RAB7A: variants seen among roughly 807,000 people sequenced by gnomAD.
RAB7A encodes ras-related protein Rab-7a.
Under a neutral mutation model 24.5 loss-of-function variants are expected in RAB7A, and 2 were observed. That is an observed-to-expected ratio of 0.08 (90% CI 0.03 to 0.26). The LOEUF (loss-of-function observed/expected upper bound fraction) is 0.26, where lower values mean the gene tolerates loss of function less well. RAB7A is among the 10% of genes least tolerant of loss of function. RAB7A has a pLI of 1.00. For missense variants in RAB7A, 118 were observed against 255.7 expected (o/e 0.46, Z 3.67); for synonymous variants, 100 against 95.9 (o/e 1.04, Z -0.25).
chr3:128,807,896 G>GGCTGCC (rs1167047518), intron 5 of RAB7A, among the ~76,000 whole-genome samples: 8 of 152,206 alleles, frequency 5.3e-5, no homozygotes, highest in Non-Finnish European at 1.5e-5. Flanking sequence ...TGAAGTCTGA[G>GGCTGCC]GCTGCCCTTC....
chr3:128,774,865 C>T (rs1302481031), intron 1 of RAB7A, among the ~76,000 whole-genome samples: 1 of 152,172 alleles, frequency 6.6e-6, no homozygotes, highest in Non-Finnish European at 1.5e-5. Context: ...AGCCACCGCA[C>T]CTGGCCTTGG....
At chr3:128,758,285 T>TG (rs1427958915) in intron 1 of RAB7A, among the ~76,000 whole-genome samples, 1 of 150,486 alleles carries the variant, frequency 6.6e-6, no homozygotes, top group Non-Finnish European at 1.5e-5. Context: ...TTTTTTTTTT[T>TG]TTTTTGAGAC....
intron 1 of RAB7A, among the ~76,000 whole-genome samples, chr3:128,775,396 T>G (rs1378152389): frequency 6.6e-6 from 1 of 152,206 alleles, no homozygotes; most frequent in Admixed American, 6.5e-5. Flanking sequence ...CATTTGCCTT[T>G]CACCTGGTGT....
Position 128,762,444 on chromosome 3 carries a change from G to A in RAB7A, c.-8-32916G>A, listed in dbSNP as rs183579619. On this transcript the variant is annotated intron_variant, in intron 1 of 5. Transcript: ENST00000265062. ...ATTCTTTATAATAAAATTCCTCCCC[G>A]TCACAGTTTTTCTTAACCTCCTCAA... Among the ~76,000 whole-genome samples, 43 of 152,078 alleles carry A rather than the reference G, an allele frequency of 2.8e-4. No homozygotes were observed. The Middle Eastern group carries it at 0.017, about 60-fold the overall frequency.
chr3:128,762,781 ACTC>A (rs959632809), intron 1 of RAB7A, among the ~76,000 whole-genome samples: 3 of 151,996 alleles, frequency 2.0e-5, no homozygotes, highest in Non-Finnish European at 4.4e-5. Context: ...TCAGAAAGCC[ACTC>A]CTCCTCTAAT....
Position 128,807,590 on chromosome 3 carries a change from T to C in RAB7A, c.447T>C (p.Ile149=). 1 of 1,614,014 alleles carries C rather than the reference T, an allele frequency of 6.2e-7. No homozygotes were observed. Residue 149 remains isoleucine, a synonymous_variant, in exon 5 of 6, where the codon ATT becomes ATC. Transcript: ENST00000265062. ...AQAWCYSKNN[I]PYFETSAKEA... is the part of the protein sequence containing the mutation. Reference sequence around the variant, plus strand: ...CCTGGTGCTACAGCAAAAACAACATTCCCTACTTTGAGACCAGTGCCAAGG... The same window carrying C: ...CCTGGTGCTACAGCAAAAACAACATCCCCTACTTTGAGACCAGTGCCAAGG...
At chr3:128,783,748 C>T (rs145503645) in intron 1 of RAB7A, among the ~76,000 whole-genome samples, 59 of 152,310 alleles carry the variant, frequency 3.9e-4, no homozygotes, top group African/African-American at 1.4e-3. Context: ...TTTCTCATTC[C>T]AGTCATTTAA....
rs771183870 is a variant in RAB7A at position 128,813,427 on chromosome 3, G to A, written c.*5G>A. 3.1e-6 allele frequency: 5 copies of A among 1,613,410 alleles called. No homozygotes were observed. Among genetic ancestry groups the A allele is most frequent in the South Asian group, 1.1e-5 (1 of 91,066 alleles). On this transcript the variant is annotated 3_prime_UTR_variant, in exon 6 of 6. Transcript: ENST00000265062. ...GCAGAAAGCTGCAGTTGCTGAGGGGGCAGTGAGAGTTGAGCACAGAGTCCT... is the reference window on the plus strand; with the variant it reads ...GCAGAAAGCTGCAGTTGCTGAGGGGACAGTGAGAGTTGAGCACAGAGTCCT...
Position 128,765,069 on chromosome 3 carries a change from G to A in RAB7A, c.-8-30291G>A, listed in dbSNP as rs555761591. The A allele has an allele frequency of 5.8e-4, 597 of 1,031,416 alleles. 1 individual carries two copies. The highest frequency in any genetic ancestry group is 1.6e-3 in the South Asian group (123 of 75,758). 63.9% of individuals were successfully genotyped at this position (1,031,416 alleles called of 1,614,324 possible). A position where few individuals can be genotyped will look rare whatever the true frequency, so the allele number is the denominator to read the frequency against. ...GGTGGCTGCGCGGCGCTGGAGCGGC[G>A]GCGGGGGCCTTGGGATGGTCCGAGG... On this transcript the variant is annotated intron_variant, in intron 1 of 5. Transcript: ENST00000265062.
chr3:128,767,174 T>A (rs1411959090), intron 1 of RAB7A, among the ~76,000 whole-genome samples: 1 of 152,206 alleles, frequency 6.6e-6, no homozygotes, highest in Non-Finnish European at 1.5e-5. Flanking sequence ...AATTGTCCCT[T>A]CAGTCAGGTG....
At chr3:128,788,029 C>G (rs763661284) in intron 1 of RAB7A, among the ~76,000 whole-genome samples, 1 of 152,226 alleles carries the variant, frequency 6.6e-6, no homozygotes, top group Non-Finnish European at 1.5e-5. Context: ...TTTTAAATTG[C>G]GTGCTGTTTG....
intron 5 of RAB7A, among the ~76,000 whole-genome samples, chr3:128,812,062 TTTAAAC>T (rs1299899543): frequency 6.6e-6 from 1 of 152,034 alleles, no homozygotes; most frequent in African/African-American, 2.4e-5. Context: ...ATGAGAGTAT[TTTAAAC>T]TTAATGTTGA....
At chr3:128,748,321 G>A (rs894479057) in intron 1 of RAB7A, among the ~76,000 whole-genome samples, 7 of 152,186 alleles carry the variant, frequency 4.6e-5, no homozygotes, top group Admixed American at 1.3e-4. Flanking sequence ...CAGGCATGGT[G>A]GCTTTTCTGG....
intron 1 of RAB7A, among the ~76,000 whole-genome samples, chr3:128,742,065 C>T (rs1022945620): frequency 6.6e-6 from 1 of 152,144 alleles, no homozygotes; most frequent in African/African-American, 2.4e-5. Flanking sequence ...GAGTTTCTTC[C>T]TTCTGATGTT....
At chr3:128,778,378 A>G (rs1007591635) in intron 1 of RAB7A, among the ~76,000 whole-genome samples, 13 of 152,254 alleles carry the variant, frequency 8.5e-5, no homozygotes, top group Middle Eastern at 3.4e-3. Context: ...CCCTGCTTCA[A>G]TGAAATTTTA....
At chr3:128,765,036 G>A in intron 1 of RAB7A, 1 of 1,361,326 alleles carries the variant, frequency 7.3e-7, no homozygotes, top group Non-Finnish European at 1.0e-6. Context: ...CTAAGGAGAG[G>A]TGGCGGCGGT....
intron 1 of RAB7A, among the ~76,000 whole-genome samples, chr3:128,765,935 T>A (rs1576284631): frequency 6.6e-6 from 1 of 152,074 alleles, no homozygotes; most frequent in East Asian, 1.9e-4. Context: ...CTAATTTTTA[T>A]ATTTTTAGTA....
At chr3:128,752,501 G>GA (rs140140229) in intron 1 of RAB7A, among the ~76,000 whole-genome samples, 1 of 151,770 alleles carries the variant, frequency 6.6e-6, no homozygotes, top group Non-Finnish European at 1.5e-5. Flanking sequence ...AAATAAAATA[G>GA]AAAAAAACAC....
At chr3:128,792,446 G>A (rs143574469) in intron 1 of RAB7A, among the ~76,000 whole-genome samples, 2,413 of 150,490 alleles carry the variant, frequency 0.016, 26 homozygotes, top group Non-Finnish European at 0.021. Flanking sequence ...TTGCTCTGTC[G>A]CCCAGGCTGG....
Sources: gnomAD v4.1 joint callset for allele counts (sites outside exome capture counted in the v4.1 genomes callset) on GRCh38, gnomAD v4.1.1 for gene constraint, MANE v1.5 for transcripts, NCBI Gene and HGNC (gene_info 2026-07-23, HGNC 2026-07-21) for gene names.